The following RALYL variants were observed in gnomAD, a reference collection of about 807,000 sequenced individuals.
RALYL encodes RNA-binding Raly-like protein.
A neutral mutation model predicts 35.1 loss-of-function variants in RALYL; 29 were observed. That is an observed-to-expected ratio of 0.83 (90% CI 0.61 to 1.13). The LOEUF (loss-of-function observed/expected upper bound fraction) is 1.13, where lower values mean the gene tolerates loss of function less well. Among genes scored for constraint, RALYL ranks in the 50% most tolerant of loss-of-function variants. RALYL has a pLI of 0.00. For synonymous variants in RALYL, 120 were observed against 127.6 expected (o/e 0.94, Z 0.40); for missense variants, 359 against 360.4 (o/e 1.00, Z 0.03).
At chr8:84,671,022 C>T (rs1177461406) in intron 2 of RALYL, among the ~76,000 whole-genome samples, 1 of 152,182 alleles carries the variant, frequency 6.6e-6, no homozygotes, top group Admixed American at 6.5e-5. Flanking sequence ...TTAGTTACTT[C>T]CTATATACAA....
At chr8:84,870,261 ATTT>A (rs200284241) in intron 6 of RALYL, among the ~76,000 whole-genome samples, 2 of 142,442 alleles carry the variant, frequency 1.4e-5, no homozygotes, top group Non-Finnish European at 3.1e-5. Flanking sequence ...TTTGTGTATA[ATTT>A]TTTTTTTTTT....
At chr8:84,464,912 T>C (rs2051354462) in intron 1 of RALYL, among the ~76,000 whole-genome samples, 4 of 136,266 alleles carry the variant, frequency 2.9e-5, no homozygotes, top group Non-Finnish European at 6.4e-5. Flanking sequence ...CATTTTTTCA[T>C]GTGTTTTTTG....
chr8:84,637,373 C>G (rs1199524280), intron 2 of RALYL, among the ~76,000 whole-genome samples: 1 of 151,782 alleles, frequency 6.6e-6, no homozygotes, highest in Non-Finnish European at 1.5e-5. Context: ...GTAGTGAATG[C>G]ATCCAAGGTC....
At chr8:84,262,843 GA>G (rs1452445549) in intron 1 of RALYL, among the ~76,000 whole-genome samples, 1 of 152,122 alleles carries the variant, frequency 6.6e-6, no homozygotes, top group African/African-American at 2.4e-5. Context: ...TTTATTTCAT[GA>G]AGATTTTGTT....
At chr8:84,862,197 T>C (rs1050177009) in intron 5 of RALYL, 99 bp from the exon 6 acceptor site, 9 of 1,016,826 alleles carry the variant, frequency 8.9e-6, no homozygotes, top group Admixed American at 3.9e-5. Context: ...AAAACATTTA[T>C]TGAAATTTTC....
chr8:84,883,303 C>G (rs984465194), intron 7 of RALYL, among the ~76,000 whole-genome samples: 1 of 151,758 alleles, frequency 6.6e-6, no homozygotes, highest in African/African-American at 2.4e-5. Context: ...TATGTTAATA[C>G]AAAAAATAGA....
chr8:84,232,873 C>T (rs2131452899), intron 1 of RALYL, among the ~76,000 whole-genome samples: 1 of 152,080 alleles, frequency 6.6e-6, no homozygotes, highest in South Asian at 2.1e-4. Flanking sequence ...TATAATAAAA[C>T]AGCCATTAAA....
rs185864444 is a variant in RALYL at position 84,756,182 on chromosome 8, G to A, written c.257-18397G>A. On this transcript the variant is annotated intron_variant, in intron 2 of 8. Coordinates refer to ENST00000521268, the MANE Select transcript of RALYL (RefSeq NM_173848.7). ...TCATCCCCCCCAAAAAAACCAATAA[G>A]ATTATTTGAAATATAGAGTGATAAA... Among the ~76,000 whole-genome samples the A allele has an allele frequency of 3.3e-5, 5 of 152,034 alleles. No homozygotes were observed. The South Asian group carries it at 8.3e-4, about 25-fold the overall frequency.
In RALYL at chr8:84,300,322, TG is replaced by T. The variant is rs541605738; in HGVS notation, c.-24+115899del. Among the ~76,000 whole-genome samples, 5 of 151,898 alleles carry T rather than the reference TG, an allele frequency of 3.3e-5. No homozygotes were observed. The East Asian group carries it at 5.8e-4, about 18-fold the overall frequency. On this transcript the variant is annotated intron_variant, in intron 1 of 8. Transcript: ENST00000521268. Reference sequence around the variant, plus strand: ...AGAGTGTGATTGGTATGATTTCAGTTGTTTTTTTTTAATTTACTCAGAATTG... The same window carrying T: ...AGAGTGTGATTGGTATGATTTCAGTTTTTTTTTTTAATTTACTCAGAATTG...
At chr8:84,271,190 T>A in intron 1 of RALYL, among the ~76,000 whole-genome samples, 1 of 145,376 alleles carries the variant, frequency 6.9e-6, no homozygotes, top group Non-Finnish European at 1.5e-5. Context: ...TGAAGAGGAA[T>A]TGCCACTAAA....
chr8:84,807,934 G>A (rs1825050426), intron 4 of RALYL, among the ~76,000 whole-genome samples: 2 of 152,138 alleles, frequency 1.3e-5, no homozygotes, highest in African/African-American at 4.8e-5. Flanking sequence ...TAGATGTATA[G>A]ATTGTGAAGA....
chr8:84,213,654 A>C (rs16912539), intron 1 of RALYL, among the ~76,000 whole-genome samples: 2,059 of 152,336 alleles, frequency 0.014, 46 homozygotes, highest in African/African-American at 0.046. Context: ...ACTAACACAA[A>C]ATACATGCTA....
chr8:84,822,606 A>G (rs903313633), intron 4 of RALYL, among the ~76,000 whole-genome samples: 2 of 152,180 alleles, frequency 1.3e-5, no homozygotes, highest in African/African-American at 2.4e-5. Context: ...CTTTCCTTCC[A>G]TATTACAAAG....
chr8:84,473,523 G>A (rs987274978), intron 1 of RALYL, among the ~76,000 whole-genome samples: 27 of 151,594 alleles, frequency 1.8e-4, no homozygotes, highest in African/African-American at 5.6e-4. Flanking sequence ...TCCTTAAATG[G>A]TTTTTTGAAT....
At chr8:84,215,355 T>A (rs936610495) in intron 1 of RALYL, among the ~76,000 whole-genome samples, 1 of 152,136 alleles carries the variant, frequency 6.6e-6, no homozygotes, top group African/African-American at 2.4e-5. Flanking sequence ...CCATCAGCAC[T>A]AAAATGTGTT....
chr8:84,266,105 T>A (rs1436368667), intron 1 of RALYL, among the ~76,000 whole-genome samples: 7 of 152,222 alleles, frequency 4.6e-5, no homozygotes, highest in Non-Finnish European at 1.0e-4. Context: ...TGGTTTCAAC[T>A]TACATTTATT....
At chr8:84,457,558 C>A (rs1479269093) in intron 1 of RALYL, among the ~76,000 whole-genome samples, 1 of 151,880 alleles carries the variant, frequency 6.6e-6, no homozygotes, top group African/African-American at 2.4e-5. Context: ...AGAATTGAAT[C>A]ACTTTCTGAT....
intron 8 of RALYL, among the ~76,000 whole-genome samples, chr8:84,906,674 T>G (rs1846548888): frequency 6.6e-6 from 1 of 150,440 alleles, no homozygotes; most frequent in African/African-American, 2.5e-5. Flanking sequence ...CCCCATATTC[T>G]GGAAGTTAAT....
intron 1 of RALYL, among the ~76,000 whole-genome samples, chr8:84,528,114 A>G (rs929432483): frequency 2.0e-5 from 3 of 152,194 alleles, no homozygotes; most frequent in Admixed American, 1.3e-4. Flanking sequence ...ATTCTTAAAA[A>G]TCAGATGCAC....
Sources: allele counts gnomAD v4.1 joint callset (sites outside exome capture counted in the v4.1 genomes callset), GRCh38; gene constraint gnomAD v4.1.1; transcripts MANE v1.5; gene names NCBI Gene and HGNC (gene_info 2026-07-23, HGNC 2026-07-21).